Variants in ELFN2 observed in about 807,000 individuals in gnomAD.
The protein encoded by ELFN2 is protein phosphatase 1 regulatory subunit 29.
ELFN2 carries 17 observed loss-of-function variants against 45.5 expected under a neutral mutation model. The ratio of observed to expected loss-of-function variants is 0.37; its 90% confidence interval spans 0.26 to 0.56. ELFN2 has a LOEUF of 0.56. ELFN2 is among the 20% of genes least tolerant of loss of function. ELFN2 has a pLI of 0.77. For missense variants in ELFN2, 922 were observed against 1,183.2 expected (o/e 0.78, Z 3.24); for synonymous variants, 550 against 551.5 (o/e 1.00, Z 0.04).
chr22:37,359,043 T>TATATCCATATGTTGGTAC (rs1569127685), intron 1 of ELFN2, among the ~76,000 whole-genome samples: 2 of 151,734 alleles, frequency 1.3e-5, no homozygotes, highest in African/African-American at 4.9e-5. Context: ...TATGTTGGTA[T>TATATCCATATGTTGGTAC]TGGAAGCCCT....
At chr22:37,416,585 T>C (rs1932761761) in intron 2 of ELFN2, among the ~76,000 whole-genome samples, 2 of 151,804 alleles carry the variant, frequency 1.3e-5, no homozygotes, top group Non-Finnish European at 2.9e-5. Context: ...ACCACAGAAG[T>C]GGGAGGGAAG....
Position 37,375,082 on chromosome 22 carries a change from C to T in ELFN2, c.453G>A (p.Pro151=), listed in dbSNP as rs138291029. Residue 151 remains proline (P), a synonymous_variant, in exon 3 of 3, where the codon CCG becomes CCA. Transcript: ENST00000402918. ...AGGACAGGTCGATGCTGATGAGGCT[C>T]GGGCACTCGGAGAAGGCGGTGGGCG... ...VVTPTAFSEC[P]SLISIDLSSN... The T allele has an allele frequency of 8.7e-6, 14 of 1,613,484 alleles. No individual in the cohort carries two copies. Among genetic ancestry groups the T allele is most frequent in the East Asian group, 2.2e-5 (1 of 44,880 alleles).
chr22:37,378,801 G>A (rs143333189), intron 2 of ELFN2, among the ~76,000 whole-genome samples: 14 of 152,364 alleles, frequency 9.2e-5, no homozygotes, highest in East Asian at 1.9e-4. Context: ...GACCTGACGC[G>A]GCCAGGGAGG....
chr22:37,384,401 A>G (rs948940695), intron 2 of ELFN2, among the ~76,000 whole-genome samples: 1 of 150,318 alleles, frequency 6.7e-6, no homozygotes, highest in Admixed American at 6.6e-5. Flanking sequence ...CAAGCTACTC[A>G]GGAGACTGCC....
Position 37,374,862 on chromosome 22 carries a change from G to A in ELFN2, c.673C>T (p.Pro225Ser). Residue 225 changes from proline (P) to serine (S), a missense_variant, in exon 3 of 3, where the codon CCG becomes TCG. Physicochemically the swap from Pro to Ser is moderately conservative, Grantham distance 74 (BLOSUM62 -1). This residue lies in a region of ELFN2 where 358 missense variants were observed against 540.4 expected (regional missense o/e 0.66). Transcript: ENST00000402918. Reference protein sequence around the residue: ...CESPREFAGYPLLVPRPYHSL... With the variant: ...CESPREFAGYSLLVPRPYHSL... ...TGGTAGGGCCGGGGCACCAGCAGCG[G>A]GTAGCCGGCAAACTCCCGCGGCGAC... The A allele has an allele frequency of 6.2e-7, 1 of 1,608,964 alleles. No homozygotes were observed. The highest frequency in any genetic ancestry group is 8.5e-7 in the Non-Finnish European group (1 of 1,179,834).
chr22:37,380,104 C>CTGA (rs1931709565), intron 2 of ELFN2, among the ~76,000 whole-genome samples: 1 of 152,232 alleles, frequency 6.6e-6, no homozygotes, highest in Non-Finnish European at 1.5e-5. Context: ...CCGCTATAGG[C>CTGA]TGACTCCCAA....
At chr22:37,409,040 G>C (rs114307572) in intron 2 of ELFN2, among the ~76,000 whole-genome samples, 2,460 of 152,302 alleles carry the variant, frequency 0.016, 68 homozygotes, top group African/African-American at 0.055. Flanking sequence ...ACAGCATCAA[G>C]GAATCTCCAG....
rs1931256835 is a variant in ELFN2, at chr22:37,368,336, G to A, written c.*4736C>T. 1 of 152,396 alleles carries A rather than the reference G, an allele frequency of 6.6e-6. No homozygotes were observed. The highest frequency in any genetic ancestry group is 1.5e-5 in the Non-Finnish European group (1 of 68,184). The allele number at this position is 152,396 out of a possible 1,614,324, so 9.4% of individuals were successfully genotyped here. On this transcript the variant is annotated 3_prime_UTR_variant, in exon 3 of 3. Coordinates refer to ENST00000402918, the MANE Select transcript of ELFN2 (RefSeq NM_052906.5). ...GCCACTGCAGGAACTCCAAGCCCCTGTCCCAGCCCTGTGCTGGAGTGTGGA... is the reference window on the plus strand; with the variant it reads ...GCCACTGCAGGAACTCCAAGCCCCTATCCCAGCCCTGTGCTGGAGTGTGGA...
chr22:37,405,090 ATT>A (rs745621772), intron 2 of ELFN2, among the ~76,000 whole-genome samples: 74 of 124,038 alleles, frequency 6.0e-4, no homozygotes, highest in East Asian at 3.9e-3. Flanking sequence ...GAACCTCAGC[ATT>A]TTTTTTTTTT....
chr22:37,426,445 G>A (rs1932850453), intron 1 of ELFN2, among the ~76,000 whole-genome samples: 1 of 151,800 alleles, frequency 6.6e-6, no homozygotes, highest in African/African-American at 2.4e-5. Context: ...GTGTGCGCTT[G>A]TGTGTATACA....
intron 2 of ELFN2, among the ~76,000 whole-genome samples, chr22:37,396,895 C>T (rs1447522348): frequency 6.6e-6 from 1 of 152,182 alleles, no homozygotes; most frequent in Admixed American, 6.5e-5. Context: ...AAGTCCATGC[C>T]AGGACAGGCC....
chr22:37,385,978 C>A (rs1340100611), intron 2 of ELFN2, among the ~76,000 whole-genome samples: 1 of 152,140 alleles, frequency 6.6e-6, no homozygotes, highest in Non-Finnish European at 1.5e-5. Flanking sequence ...CTGTCCTGAC[C>A]CTCTGACAGC....
downstream of ELFN2, among the ~76,000 whole-genome samples, chr22:37,366,701 G>A (rs896366424): frequency 3.9e-5 from 6 of 152,194 alleles, no homozygotes; most frequent in African/African-American, 1.2e-4. Context: ...GTGTCCCACC[G>A]TCCTCCTCCT....
At chr22:37,392,210 T>G (rs1363998942) in intron 2 of ELFN2, among the ~76,000 whole-genome samples, 6 of 152,208 alleles carry the variant, frequency 3.9e-5, no homozygotes, top group African/African-American at 1.4e-4. Context: ...GTTTGTGAGA[T>G]GCTCACAGTG....
chr22:37,377,732 C>CA (rs2069123687), intron 2 of ELFN2, among the ~76,000 whole-genome samples: 1 of 152,216 alleles, frequency 6.6e-6, no homozygotes, highest in African/African-American at 2.4e-5. Context: ...CACACCTCCC[C>CA]AGTCGCTACA....
chr22:37,375,671 T>A lies in ELFN2; in HGVS notation c.-137A>T. On this transcript the variant is annotated 5_prime_UTR_variant, in exon 3 of 3. Coordinates refer to ENST00000402918, the MANE Select transcript of ELFN2 (RefSeq NM_052906.5). ...CCCAGCACGGGGGCCCCAGGCAAGGTGGGTACAGCTAGTGCCAACTGCTGG... is the reference window on the plus strand; with the variant it reads ...CCCAGCACGGGGGCCCCAGGCAAGGAGGGTACAGCTAGTGCCAACTGCTGG... 1.0e-6 allele frequency: 1 copy of A among 996,052 alleles called. No individual in the cohort carries two copies. The highest frequency in any genetic ancestry group is 1.5e-6 in the Non-Finnish European group (1 of 687,168). The allele number at this position is 996,052 out of a possible 1,614,324, so 61.7% of individuals were successfully genotyped here.
At chr22:37,416,359 T>C (rs147461387) in intron 2 of ELFN2, among the ~76,000 whole-genome samples, 22 of 152,250 alleles carry the variant, frequency 1.4e-4, no homozygotes, top group African/African-American at 4.8e-4. Context: ...CTGGGTGACC[T>C]TGGGCAAGTC....
rs1931284573 is a variant in ELFN2 at position 37,369,027 on chromosome 22, T to C, written c.*4045A>G. ...TAATTTTCTGCAAGGCGCCAGTCAC[T>C]AGGGAGCATTGTGTCTTATCCCTTC... is the stretch of plus-strand genomic sequence containing the variant. On this transcript the variant is annotated 3_prime_UTR_variant, in exon 3 of 3. Coordinates refer to ENST00000402918, the MANE Select transcript of ELFN2 (RefSeq NM_052906.5). The C allele has an allele frequency of 6.6e-6, 1 of 152,132 alleles. No homozygotes were observed. The highest frequency in any genetic ancestry group is 1.5e-5 in the Non-Finnish European group (1 of 68,050). The allele number at this position is 152,132 out of a possible 1,614,324, so 9.4% of individuals were successfully genotyped here.
At chr22:37,399,100 C>G (rs181940580) in intron 2 of ELFN2, among the ~76,000 whole-genome samples, 1 of 152,172 alleles carries the variant, frequency 6.6e-6, no homozygotes, top group Non-Finnish European at 1.5e-5. Flanking sequence ...TCCCTCCCCA[C>G]TCCCAGGGAT....
Sources: gnomAD v4.1 joint callset for allele counts (sites outside exome capture counted in the v4.1 genomes callset) on GRCh38, gnomAD v4.1.1 for gene constraint, gnomAD v4.1.1 regional missense constraint, MANE v1.5 for transcripts, NCBI Gene and HGNC (gene_info 2026-07-23, HGNC 2026-07-21) for gene names.